RASAL2: variants seen among roughly 807,000 people sequenced by gnomAD.
RASAL2 encodes the protein ras GTPase-activating protein nGAP.
In RASAL2, 58 loss-of-function variants were observed where a neutral mutation model predicts 128.9. The ratio of observed to expected loss-of-function variants is 0.45; its 90% CI spans 0.36 to 0.56. The LOEUF (loss-of-function observed/expected upper bound fraction) is 0.56, where lower values mean the gene tolerates loss of function less well. Ranked by LOEUF, RASAL2 falls within the 20% of genes least tolerant of loss-of-function variation. The pLI is 0.00. For missense variants in RASAL2, 1,360 were observed against 1,601.6 expected, an observed-to-expected ratio of 0.85 and a Z score of 2.57; for synonymous variants, 561 against 580.8, an observed-to-expected ratio of 0.97 and a Z score of 0.49.
At chr1:178,173,226 G>T (rs948737556) in intron 1 of RASAL2, among the ~76,000 whole-genome samples, 1 of 152,024 alleles carries the variant, frequency 6.6e-6, no homozygotes, top group Non-Finnish European at 1.5e-5. Flanking sequence ...ACCTACGGGG[G>T]TGCATAGCCC....
intron 6 of RASAL2, among the ~76,000 whole-genome samples, chr1:178,440,372 A>G (rs373203242): frequency 6.6e-6 from 1 of 152,034 alleles, no homozygotes; most frequent in Non-Finnish European, 1.5e-5. Context: ...TACAATCTGC[A>G]TGCATATCCA....
intron 4 of RASAL2, 127 bp downstream of exon 4, chr1:178,390,333 TA>T (rs894826342): frequency 1.8e-5 from 12 of 658,912 alleles, no homozygotes; most frequent in Non-Finnish European, 2.3e-5. Flanking sequence ...ATTCTGTGAT[TA>T]AAGGATAGAC....
chr1:178,158,960 G>C (rs1661180560), intron 1 of RASAL2, among the ~76,000 whole-genome samples: 1 of 152,124 alleles, frequency 6.6e-6, no homozygotes, highest in Admixed American at 6.5e-5. Context: ...ATGACTTCTA[G>C]ATGCTCAGGC....
intron 1 of RASAL2, among the ~76,000 whole-genome samples, chr1:178,232,136 T>G (rs1264043951): frequency 2.0e-5 from 3 of 152,170 alleles, no homozygotes; most frequent in African/African-American, 7.2e-5. Context: ...GTGACTTTGA[T>G]TGCACTGTTA....
chr1:178,237,071 G>A (rs1664284870), intron 1 of RASAL2, among the ~76,000 whole-genome samples: 1 of 151,964 alleles, frequency 6.6e-6, no homozygotes, highest in Non-Finnish European at 1.5e-5. Flanking sequence ...GCCTCCCTGA[G>A]TACTTTAAAT....
chr1:178,388,386 T>C (rs1467640804), intron 3 of RASAL2, among the ~76,000 whole-genome samples: 1 of 152,244 alleles, frequency 6.6e-6, no homozygotes, highest in Non-Finnish European at 1.5e-5. Flanking sequence ...TTTTCAGCGA[T>C]GTGCATTAGA....
chr1:178,448,519 A>G (rs1043715120), intron 9 of RASAL2, among the ~76,000 whole-genome samples: 1 of 152,186 alleles, frequency 6.6e-6, no homozygotes, highest in Non-Finnish European at 1.5e-5. Context: ...CTCTAATCAT[A>G]TAGACATTAA....
At chr1:178,368,367 A>G (rs542491599) in intron 3 of RASAL2, among the ~76,000 whole-genome samples, 4 of 152,180 alleles carry the variant, frequency 2.6e-5, no homozygotes, top group African/African-American at 4.8e-5. Context: ...GTGCCTAGTA[A>G]ACAGTAAATG....
At chr1:178,215,358 T>C (rs34041572) in intron 1 of RASAL2, among the ~76,000 whole-genome samples, 12,450 of 152,316 alleles carry the variant, frequency 0.082, 588 homozygotes, top group Middle Eastern at 0.14. Flanking sequence ...GGGTTCTCTC[T>C]CTTCTTCTCT....
chr1:178,436,019 C>T (rs908693980), intron 5 of RASAL2, among the ~76,000 whole-genome samples: 1 of 151,982 alleles, frequency 6.6e-6, no homozygotes, highest in Non-Finnish European at 1.5e-5. Context: ...TACTAAAACT[C>T]TGTAGTTAGT....
chr1:178,338,639 T>C (rs978391179), intron 3 of RASAL2, among the ~76,000 whole-genome samples: 3 of 152,228 alleles, frequency 2.0e-5, no homozygotes, highest in South Asian at 2.1e-4. Flanking sequence ...TATTGAACTT[T>C]GAAACTATCA....
chr1:178,331,475 T>G (rs1250136880), intron 3 of RASAL2, among the ~76,000 whole-genome samples: 1 of 152,074 alleles, frequency 6.6e-6, no homozygotes, highest in East Asian at 1.9e-4. Context: ...GTAATCTATT[T>G]AAAAACATAA....
chr1:178,231,614 G>A (rs553807318), intron 1 of RASAL2, among the ~76,000 whole-genome samples: 9 of 151,766 alleles, frequency 5.9e-5, no homozygotes, highest in African/African-American at 2.2e-4. Context: ...CTACCCTCAG[G>A]TCACAAAAAT....
chr1:178,141,830 G>C (rs530951159), intron 1 of RASAL2, among the ~76,000 whole-genome samples: 1 of 152,226 alleles, frequency 6.6e-6, no homozygotes, highest in South Asian at 2.1e-4. Context: ...GGAGGTTAAA[G>C]ATACAGGGAT....
chr1:178,191,225 A>C (rs1662482709), intron 1 of RASAL2, among the ~76,000 whole-genome samples: 1 of 152,198 alleles, frequency 6.6e-6, no homozygotes, highest in African/African-American at 2.4e-5. Context: ...GAACAACTTT[A>C]GAGTTACAGG....
At chr1:178,311,253 AACACACACACACAC>A (rs67243509) in intron 3 of RASAL2, among the ~76,000 whole-genome samples, 2 of 143,708 alleles carry the variant, frequency 1.4e-5, no homozygotes, top group South Asian at 2.2e-4. Context: ...CACACACACA[AACACACACACACAC>A]ACACACACAC....
intron 9 of RASAL2, among the ~76,000 whole-genome samples, chr1:178,448,236 G>C (rs1374490465): frequency 6.6e-6 from 1 of 152,160 alleles, no homozygotes; most frequent in Non-Finnish European, 1.5e-5. Flanking sequence ...CTGAGTCCTA[G>C]ATACCAATAG....
intron 1 of RASAL2, among the ~76,000 whole-genome samples, chr1:178,205,217 C>T (rs1003223146): frequency 1.3e-5 from 2 of 151,990 alleles, no homozygotes; most frequent in African/African-American, 4.8e-5. Flanking sequence ...GTTGGCCAGG[C>T]TGGTCTTGAG....
chr1:178,104,532 C>T (rs1165169018), intron 1 of RASAL2, among the ~76,000 whole-genome samples: 1 of 152,048 alleles, frequency 6.6e-6, no homozygotes, highest in Non-Finnish European at 1.5e-5. Flanking sequence ...ATGCTGAATT[C>T]CTAGAAGAGT....
Sources: allele counts gnomAD v4.1 joint callset (sites outside exome capture counted in the v4.1 genomes callset), GRCh38; gene constraint gnomAD v4.1.1; transcripts MANE v1.5; gene names NCBI Gene and HGNC (gene_info 2026-07-23, HGNC 2026-07-21).